AGTR1: variants seen among roughly 807,000 people sequenced by gnomAD.
The protein encoded by AGTR1 is type-1 angiotensin II receptor.
In AGTR1, 16 loss-of-function variants were observed where a neutral mutation model predicts 19.4. The observed-to-expected ratio is 0.82, with a 90% CI of 0.56 to 1.25. AGTR1 has a LOEUF of 1.25. AGTR1 is among the 50% of genes most tolerant of loss of function. AGTR1 has a pLI of 0.00. For synonymous variants in AGTR1, 153 were observed against 154.9 expected (o/e 0.99, Z 0.09); for missense variants, 373 against 431.9 (o/e 0.86, Z 1.21).
At chr3:148,704,297 T>A (rs1427213181) in intron 1 of AGTR1, among the ~76,000 whole-genome samples, 2 of 151,704 alleles carry the variant, frequency 1.3e-5, no homozygotes, top group African/African-American at 2.4e-5. Flanking sequence ...GTCTGGGAGG[T>A]GAAGGCTGCA....
intron 2 of AGTR1, among the ~76,000 whole-genome samples, chr3:148,726,390 G>A (rs1019252037): frequency 2.0e-5 from 3 of 151,934 alleles, no homozygotes; most frequent in African/African-American, 7.3e-5. Context: ...TGTATTTTTA[G>A]TAGAGACGGG....
chr3:148,701,649 A>G (rs945160274), intron 1 of AGTR1, among the ~76,000 whole-genome samples: 14 of 152,146 alleles, frequency 9.2e-5, no homozygotes, highest in Non-Finnish European at 1.8e-4. Flanking sequence ...GAATGTTTTT[A>G]TTGTGTTGTT....
intron 2 of AGTR1, among the ~76,000 whole-genome samples, chr3:148,728,051 C>T (rs1472954440): frequency 2.0e-5 from 3 of 152,046 alleles, no homozygotes; most frequent in African/African-American, 4.8e-5. Flanking sequence ...AAAAATGTCT[C>T]GAGACATTGC....
intron 2 of AGTR1, among the ~76,000 whole-genome samples, chr3:148,732,408 A>C: frequency 6.6e-6 from 1 of 152,334 alleles, no homozygotes; most frequent in East Asian, 1.9e-4. Context: ...GTAATAGTTA[A>C]TTTTTTAAAA....
chr3:148,741,080 A>G lies in AGTR1; in HGVS notation c.45A>G (p.Gln15=), dbSNP rs1714845275. The change falls in exon 3 of 3, where the codon CAA becomes CAG. Residue 15 remains glutamine, a synonymous_variant. Coordinates refer to ENST00000349243, the MANE Select transcript of AGTR1 (RefSeq NM_000685.5). ...SSTEDGIKRI[Q]DDCPKAGRHN... is the part of the protein sequence containing the mutation. Reference sequence around the variant, plus strand: ...CTGAAGATGGTATTAAAAGAATCCAAGATGATTGTCCCAAAGCTGGAAGGC... The same window carrying G: ...CTGAAGATGGTATTAAAAGAATCCAGGATGATTGTCCCAAAGCTGGAAGGC... 4 of 1,614,082 alleles carry G rather than the reference A, an allele frequency of 2.5e-6. No homozygotes were observed. In the East Asian group the frequency reaches 8.9e-5, roughly 36 times the overall value.
At chr3:148,730,853 G>A (rs1481433250) in intron 2 of AGTR1, among the ~76,000 whole-genome samples, 8 of 152,158 alleles carry the variant, frequency 5.3e-5, no homozygotes, top group Admixed American at 5.2e-4. Context: ...ACCATTGCTA[G>A]AGGGGCCAAC....
chr3:148,721,471 C>T (rs1713630056), intron 2 of AGTR1, among the ~76,000 whole-genome samples: 1 of 152,148 alleles, frequency 6.6e-6, no homozygotes, highest in South Asian at 2.1e-4. Flanking sequence ...ATTTACCTCC[C>T]CACCTAAAAC....
chr3:148,705,031 A>G (rs1712589189), intron 1 of AGTR1, among the ~76,000 whole-genome samples: 1 of 152,190 alleles, frequency 6.6e-6, no homozygotes. Context: ...AATACCCAAA[A>G]GATATCTTAC....
intron 2 of AGTR1, 121 bp from the exon 3 acceptor site, chr3:148,740,868 A>G (rs1247785598): frequency 2.5e-6 from 2 of 807,884 alleles, no homozygotes; most frequent in Non-Finnish European, 1.9e-6. Context: ...AATATGATCC[A>G]GTATTTTTTC....
intron 2 of AGTR1, among the ~76,000 whole-genome samples, chr3:148,736,334 C>G (rs1296422231): frequency 6.6e-6 from 1 of 152,162 alleles, no homozygotes; most frequent in East Asian, 1.9e-4. Flanking sequence ...ATTTATTCAG[C>G]TGCTTAAGAT....
chr3:148,706,484 T>A (rs1487080868), intron 1 of AGTR1, among the ~76,000 whole-genome samples: 5 of 152,006 alleles, frequency 3.3e-5, no homozygotes, highest in Non-Finnish European at 7.4e-5. Context: ...AATCCTCCTA[T>A]ATATAATTAA....
rs550315827 is a variant in AGTR1 at position 148,704,388 on chromosome 3, A to G, written c.-131-3556A>G. Among the ~76,000 whole-genome samples, 7 of 151,984 alleles carry G rather than the reference A, an allele frequency of 4.6e-5. No homozygotes were observed. In the East Asian group the frequency reaches 1.2e-3, roughly 25 times the overall value. Reference sequence around the variant, plus strand: ...CTCGAATAATAATAATAATAATAACAACTTTTGATATCTCTATTTTTTCCC... The same window carrying G: ...CTCGAATAATAATAATAATAATAACGACTTTTGATATCTCTATTTTTTCCC... On this transcript the variant is annotated intron_variant, in intron 1 of 2. Transcript: ENST00000349243.
intron 2 of AGTR1, among the ~76,000 whole-genome samples, chr3:148,726,422 T>C (rs918439477): frequency 5.9e-5 from 9 of 152,186 alleles, no homozygotes; most frequent in Non-Finnish European, 1.0e-4. Flanking sequence ...CTGGCCAGGC[T>C]GGTCTCGAGC....
intron 2 of AGTR1, among the ~76,000 whole-genome samples, chr3:148,734,647 T>A (rs1411798192): frequency 2.0e-5 from 3 of 152,162 alleles, no homozygotes; most frequent in Non-Finnish European, 4.4e-5. Context: ...GTGAACAAAA[T>A]CATCTCCAAA....
In AGTR1 at chr3:148,741,219, G is replaced by A; in HGVS notation, c.184G>A (p.Val62Met). 6.2e-7 allele frequency: 1 copy of A among 1,614,110 alleles called. No homozygotes were observed. Among genetic ancestry groups the A allele is most frequent in the South Asian group, 1.1e-5 (1 of 91,080 alleles). The change falls in exon 3 of 3, where the codon GTG becomes ATG. Residue 62 changes from valine to methionine, a missense_variant. By Grantham distance (21) the Val-to-Met change is conservative. Coordinates refer to ENST00000349243, the MANE Select transcript of AGTR1 (RefSeq NM_000685.5). ...TTACTTTTATATGAAGCTGAAGACT[G>A]TGGCCAGTGTTTTTCTTTTGAATTT... ...VIYFYMKLKTVASVFLLNLAL... is the reference protein window; with the variant it reads ...VIYFYMKLKTMASVFLLNLAL...
chr3:148,728,172 A>G (rs1350791815), intron 2 of AGTR1, among the ~76,000 whole-genome samples: 1 of 152,214 alleles, frequency 6.6e-6, no homozygotes, highest in African/African-American at 2.4e-5. Context: ...TTGAAACATT[A>G]CTTACAGAAT....
At chr3:148,705,034 TATCTTACAC>T (rs1327455632) in intron 1 of AGTR1, among the ~76,000 whole-genome samples, 3 of 152,302 alleles carry the variant, frequency 2.0e-5, no homozygotes, top group East Asian at 3.9e-4. Flanking sequence ...ACCCAAAAGA[TATCTTACAC>T]ATAGCAGGCA....
At chr3:148,704,392 T>G (rs1712548533) in intron 1 of AGTR1, among the ~76,000 whole-genome samples, 1 of 148,908 alleles carries the variant, frequency 6.7e-6, no homozygotes, top group South Asian at 2.1e-4. Flanking sequence ...AATAACAACT[T>G]TTGATATCTC....
chr3:148,741,830 G>A lies in AGTR1; in HGVS notation c.795G>A (p.Leu265=), dbSNP rs1347970019. The part of the protein sequence containing the change: ...PHQIFTFLDV[L]IQLGIIRDCR... The stretch of plus-strand genomic sequence containing the variant: ...AAATATTCACTTTTCTGGATGTATT[G>A]ATTCAACTAGGCATCATACGTGACT... The change falls in exon 3 of 3, where the codon TTG becomes TTA. Residue 265 remains leucine, a synonymous_variant. Coordinates refer to ENST00000349243, the MANE Select transcript of AGTR1 (RefSeq NM_000685.5). 3.1e-6 allele frequency: 5 copies of A among 1,613,540 alleles called. No homozygotes were observed. Among genetic ancestry groups the A allele is most frequent in the Non-Finnish European group, 4.2e-6 (5 of 1,180,016 alleles).
Sources: gnomAD v4.1 joint callset for allele counts (sites outside exome capture counted in the v4.1 genomes callset) on GRCh38, gnomAD v4.1.1 for gene constraint, MANE v1.5 for transcripts, NCBI Gene and HGNC (gene_info 2026-07-23, HGNC 2026-07-21) for gene names.